Variants in TMTC2 observed in about 807,000 individuals in gnomAD.
TMTC2 encodes transmembrane O-mannosyltransferase targeting cadherins 2.
In TMTC2, 43 loss-of-function variants were observed where a neutral mutation model predicts 82.4. The ratio of observed to expected loss-of-function variants is 0.52; its 90% CI spans 0.41 to 0.67. TMTC2 has a LOEUF of 0.67. TMTC2 is among the 30% of genes least tolerant of loss of function. The pLI is 0.00. For missense variants in TMTC2, 919 were observed against 1,012.4 expected, an observed-to-expected ratio of 0.91 and a Z score of 1.25; for synonymous variants, 408 against 381.9, an observed-to-expected ratio of 1.07 and a Z score of -0.80.
At chr12:83,057,137 A>C (rs571007420) in intron 10 of TMTC2, among the ~76,000 whole-genome samples, 1 of 151,880 alleles carries the variant, frequency 6.6e-6, no homozygotes. Context: ...GCCGATACAC[A>C]TACCCTCTCT....
intron 11 of TMTC2, among the ~76,000 whole-genome samples, chr12:83,107,093 G>A (rs1365297303): frequency 6.6e-6 from 1 of 152,232 alleles, no homozygotes; most frequent in Non-Finnish European, 1.5e-5. Flanking sequence ...TTCATGTATT[G>A]ACTGAGGATG....
At chr12:82,729,964 G>C (rs1230928429) in intron 1 of TMTC2, among the ~76,000 whole-genome samples, 1 of 152,092 alleles carries the variant, frequency 6.6e-6, no homozygotes, top group East Asian at 1.9e-4. Flanking sequence ...AACACTTATC[G>C]GGAAGGTCTG....
chr12:82,977,164 C>T (rs907616128), intron 7 of TMTC2, among the ~76,000 whole-genome samples: 1 of 151,886 alleles, frequency 6.6e-6, no homozygotes, highest in Non-Finnish European at 1.5e-5. Context: ...AATGGGGAAA[C>T]TCAATTTTGT....
intron 11 of TMTC2, among the ~76,000 whole-genome samples, chr12:83,071,827 A>G (rs1042468364): frequency 6.6e-6 from 1 of 150,864 alleles, no homozygotes; most frequent in Non-Finnish European, 1.5e-5. Context: ...GATCTCTTGT[A>G]TTTTCGGTGG....
At chr12:82,999,330 A>T (rs1879811728) in intron 8 of TMTC2, among the ~76,000 whole-genome samples, 1 of 152,180 alleles carries the variant, frequency 6.6e-6, no homozygotes, top group Non-Finnish European at 1.5e-5. Flanking sequence ...AAACCACCAG[A>T]GGTAAATTAT....
intron 4 of TMTC2, among the ~76,000 whole-genome samples, chr12:82,933,798 CAG>C (rs1404949066): frequency 6.6e-6 from 1 of 151,846 alleles, no homozygotes; most frequent in Non-Finnish European, 1.5e-5. Context: ...TAGGTAAAGA[CAG>C]AGGAAAAATA....
At chr12:82,844,910 C>G (rs922398002) in intron 1 of TMTC2, among the ~76,000 whole-genome samples, 1 of 151,126 alleles carries the variant, frequency 6.6e-6, no homozygotes, top group East Asian at 2.0e-4. Context: ...TGAAGTCAAA[C>G]AGTAATCATG....
chr12:82,910,235 G>A (rs939539399), intron 3 of TMTC2, among the ~76,000 whole-genome samples: 10 of 152,134 alleles, frequency 6.6e-5, no homozygotes, highest in African/African-American at 2.4e-4. Context: ...AGTGTGAGCC[G>A]TATTTTAATT....
At chr12:82,775,422 C>G (rs1877536469) in intron 1 of TMTC2, among the ~76,000 whole-genome samples, 1 of 151,850 alleles carries the variant, frequency 6.6e-6, no homozygotes, top group African/African-American at 2.4e-5. Context: ...TGTACACCAG[C>G]CTGGGCAACA....
chr12:83,057,317 GT>G (rs550908068), intron 10 of TMTC2, among the ~76,000 whole-genome samples: 2 of 151,834 alleles, frequency 1.3e-5, no homozygotes, highest in Non-Finnish European at 2.9e-5. Context: ...TGTCAGCGTA[GT>G]TTTTTCTTCT....
intron 4 of TMTC2, among the ~76,000 whole-genome samples, chr12:82,934,095 A>C (rs1876187572): frequency 6.6e-6 from 1 of 152,152 alleles, no homozygotes. Flanking sequence ...GCTTTTCTTC[A>C]AAGGAAATCT....
intron 8 of TMTC2, among the ~76,000 whole-genome samples, chr12:83,013,116 C>A (rs1369854763): frequency 6.6e-6 from 1 of 152,018 alleles, no homozygotes; most frequent in Non-Finnish European, 1.5e-5. Context: ...AACATAATAT[C>A]ACTTAATTTG....
At chr12:83,018,036 T>A (rs3069101) in intron 8 of TMTC2, among the ~76,000 whole-genome samples, 7 of 53,276 alleles carry the variant, frequency 1.3e-4, no homozygotes, top group South Asian at 6.6e-4. Flanking sequence ...ATATATATAT[T>A]GTGTGTGTGT....
rs1467484547 is a variant in TMTC2 at position 83,108,187 on chromosome 12, G to A, written c.2332-24023G>A. Among the ~76,000 whole-genome samples the A allele has an allele frequency of 6.6e-5, 10 of 152,068 alleles. No individual in the cohort carries two copies. In the East Asian group the frequency reaches 1.4e-3, roughly 21 times the overall value. On this transcript the variant is annotated intron_variant, in intron 11 of 11. Coordinates refer to ENST00000321196, the MANE Select transcript of TMTC2 (RefSeq NM_152588.3). ...CCAGTCTCAGTTCTTTATAGCAATGGGAGAATGGACTAATACGGTCTTTAA... is the reference window on the plus strand; with the variant it reads ...CCAGTCTCAGTTCTTTATAGCAATGAGAGAATGGACTAATACGGTCTTTAA...
At chr12:82,953,220 G>C (rs965331738) in intron 4 of TMTC2, among the ~76,000 whole-genome samples, 1 of 152,156 alleles carries the variant, frequency 6.6e-6, no homozygotes, top group Non-Finnish European at 1.5e-5. Context: ...TGTGCTGCTC[G>C]TGACATGACC....
chr12:82,846,927 G>C (rs903813324), intron 1 of TMTC2, among the ~76,000 whole-genome samples: 2 of 152,012 alleles, frequency 1.3e-5, no homozygotes, highest in African/African-American at 2.4e-5. Flanking sequence ...AATGATAAAC[G>C]CTTGTCCAAA....
chr12:82,768,390 T>C (rs1475538632), intron 1 of TMTC2, among the ~76,000 whole-genome samples: 1 of 152,222 alleles, frequency 6.6e-6, no homozygotes, highest in Non-Finnish European at 1.5e-5. Flanking sequence ...AGAACACTTC[T>C]GATTTTCTGC....
chr12:82,956,528 C>T (rs540502686), intron 4 of TMTC2, among the ~76,000 whole-genome samples: 1 of 152,244 alleles, frequency 6.6e-6, no homozygotes, highest in African/African-American at 2.4e-5. Context: ...CAGCTCACTG[C>T]ACCCTCCATC....
At chr12:82,898,900 G>C (rs1873817698) in intron 3 of TMTC2, among the ~76,000 whole-genome samples, 1 of 152,228 alleles carries the variant, frequency 6.6e-6, no homozygotes, top group South Asian at 2.1e-4. Flanking sequence ...TAGGGTATAA[G>C]TAGCAGTCAG....
Sources: gnomAD v4.1 joint callset for allele counts (sites outside exome capture counted in the v4.1 genomes callset) on GRCh38, gnomAD v4.1.1 for gene constraint, MANE v1.5 for transcripts, NCBI Gene and HGNC (gene_info 2026-07-23, HGNC 2026-07-21) for gene names.